Variants in CALN1 observed in about 807,000 individuals in gnomAD.
CALN1 encodes calneuron 1.
Under a neutral mutation model 30.6 loss-of-function variants are expected in CALN1, and 17 were observed. The observed-to-expected ratio is 0.56, with a 90% CI of 0.38 to 0.83. The LOEUF (loss-of-function observed/expected upper bound fraction) is 0.83, where lower values mean the gene tolerates loss of function less well. CALN1 is among the 40% of genes least tolerant of loss of function. The pLI, the probability that CALN1 is intolerant of heterozygous loss-of-function variation, is 0.00. For missense variants in CALN1, 291 were observed against 354.9 expected (o/e 0.82, Z 1.45); for synonymous variants, 156 against 131.4 (o/e 1.19, Z -1.28).
rs1425098850 is a variant in CALN1, at chr7:71,783,852, C to A, written c.*3923G>T. 1 of 152,512 alleles carries A rather than the reference C, an allele frequency of 6.6e-6. No homozygotes were observed. The highest frequency in any genetic ancestry group is 2.4e-5 in the African/African-American group (1 of 41,406). 9.4% of individuals were successfully genotyped at this position (152,512 alleles called of 1,614,324 possible). A position where few individuals can be genotyped will look rare whatever the true frequency, so the allele number is the denominator to read the frequency against. On this transcript the variant is annotated 3_prime_UTR_variant, in exon 7 of 7. Transcript: ENST00000395275. ...ATTTTTCATAGGCTCTTTTGGATAA[C>A]TGCAAGATCGTAGACCATTTGTCAA...
intron 3 of CALN1, among the ~76,000 whole-genome samples, chr7:72,220,581 T>C (rs1180284307): frequency 6.6e-6 from 1 of 152,318 alleles, no homozygotes; most frequent in African/African-American, 2.4e-5. Flanking sequence ...CTGGGTCAAA[T>C]GGGATTTCTA....
chr7:72,355,644 G>A (rs2944807), intron 2 of CALN1, among the ~76,000 whole-genome samples: 149,896 of 152,348 alleles, frequency 0.98, 73,783 homozygotes, highest in Middle Eastern at 1. Context: ...TTCATTTTTG[G>A]TAAAATGAAT....
At chr7:71,839,429 G>A (rs569033352) in intron 5 of CALN1, among the ~76,000 whole-genome samples, 29 of 152,312 alleles carry the variant, frequency 1.9e-4, no homozygotes, top group African/African-American at 7.0e-4. Flanking sequence ...CTAGTCAGGA[G>A]GCTGAGGCAG....
chr7:72,488,924 T>G, the CALN1 span, among the ~76,000 whole-genome samples: 2 of 152,226 alleles, frequency 1.3e-5, no homozygotes, highest in Non-Finnish European at 2.9e-5. Context: ...AAACTGATCC[T>G]TATTCTGACC....
intron 2 of CALN1, among the ~76,000 whole-genome samples, chr7:72,324,350 A>G (rs1461336202): frequency 1.3e-5 from 2 of 152,090 alleles, no homozygotes. Flanking sequence ...CATCACTGAT[A>G]ACCATCCTTT....
At chr7:71,803,696 A>ACTGTGGCTT (rs1787439558) in intron 6 of CALN1, among the ~76,000 whole-genome samples, 1 of 152,104 alleles carries the variant, frequency 6.6e-6, no homozygotes, top group Non-Finnish European at 1.5e-5. Flanking sequence ...GCTGGTCTCG[A>ACTGTGGCTT]ACTCCTGACC....
intron 2 of CALN1, among the ~76,000 whole-genome samples, chr7:72,355,534 T>C (rs1211830730): frequency 6.6e-6 from 1 of 151,686 alleles, no homozygotes; most frequent in Admixed American, 6.6e-5. Context: ...AAAAACAAAA[T>C]GGAACAAAAA....
intron 3 of CALN1, among the ~76,000 whole-genome samples, chr7:72,125,759 C>T (rs1808707155): frequency 6.6e-6 from 1 of 151,490 alleles, no homozygotes; most frequent in South Asian, 2.1e-4. Context: ...GCCGCCCCCA[C>T]CTTCCTGTCC....
At chr7:71,903,065 A>G (rs1793948496) in intron 5 of CALN1, among the ~76,000 whole-genome samples, 1 of 152,002 alleles carries the variant, frequency 6.6e-6, no homozygotes, top group Non-Finnish European at 1.5e-5. Context: ...TTTTTTAAAA[A>G]AAGTAAAAAA....
At chr7:72,110,234 G>A (rs934163550) in intron 3 of CALN1, among the ~76,000 whole-genome samples, 8 of 152,102 alleles carry the variant, frequency 5.3e-5, no homozygotes, top group East Asian at 3.9e-4. Context: ...ACACCCCAGC[G>A]GGCCCTAGCT....
At chr7:71,922,095 C>T (rs973014681) in intron 5 of CALN1, among the ~76,000 whole-genome samples, 9 of 152,148 alleles carry the variant, frequency 5.9e-5, no homozygotes, top group African/African-American at 2.2e-4. Flanking sequence ...ATGCAGGCAG[C>T]ACATACCAAA....
chr7:72,287,532 C>T (rs534323333), intron 2 of CALN1, among the ~76,000 whole-genome samples: 10 of 149,886 alleles, frequency 6.7e-5, no homozygotes, highest in South Asian at 4.2e-4. Context: ...CTGCAAGCTC[C>T]GCCTCCTGGG....
At chr7:72,384,194 T>C (rs1054916427) in intron 2 of CALN1, among the ~76,000 whole-genome samples, 5 of 152,200 alleles carry the variant, frequency 3.3e-5, no homozygotes, top group Non-Finnish European at 5.9e-5. Context: ...ATAGTTTTTT[T>C]CCATTATGTG....
chr7:72,378,799 C>T (rs749097101), intron 2 of CALN1, among the ~76,000 whole-genome samples: 1 of 152,046 alleles, frequency 6.6e-6, no homozygotes, highest in Non-Finnish European at 1.5e-5. Context: ...AACTCCTGAC[C>T]TCAAGTGATC....
upstream of CALN1, among the ~76,000 whole-genome samples, chr7:72,416,594 G>C (rs116371875): frequency 5.6e-3 from 845 of 152,184 alleles, 9 homozygotes; most frequent in African/African-American, 0.019. Context: ...ACTTAGCTGA[G>C]CATGGTGGTG....
chr7:72,191,937 T>C (rs1790638610), intron 3 of CALN1, among the ~76,000 whole-genome samples: 1 of 152,116 alleles, frequency 6.6e-6, no homozygotes, highest in Non-Finnish European at 1.5e-5. Flanking sequence ...AACTGCATTT[T>C]TTGCCATTAC....
chr7:71,909,033 G>C (rs902447137), intron 5 of CALN1, among the ~76,000 whole-genome samples: 1 of 152,070 alleles, frequency 6.6e-6, no homozygotes, highest in Non-Finnish European at 1.5e-5. Flanking sequence ...TTGACTGACG[G>C]GCAGACAAGG....
intron 4 of CALN1, among the ~76,000 whole-genome samples, chr7:72,064,589 C>T (rs887314903): frequency 2.6e-5 from 4 of 152,110 alleles, no homozygotes; most frequent in African/African-American, 9.7e-5. Context: ...TATTTTGCAA[C>T]AACTATTATT....
intron 4 of CALN1, among the ~76,000 whole-genome samples, chr7:72,036,483 C>T (rs1228228629): frequency 6.6e-6 from 1 of 152,208 alleles, no homozygotes; most frequent in Non-Finnish European, 1.5e-5. Flanking sequence ...AATTGGTCCA[C>T]TTGATGGACA....
Sources: allele counts gnomAD v4.1 joint callset (sites outside exome capture counted in the v4.1 genomes callset), GRCh38; gene constraint gnomAD v4.1.1; transcripts MANE v1.5; gene names NCBI Gene and HGNC (gene_info 2026-07-23, HGNC 2026-07-21).